NCOA2: variants seen among roughly 807,000 people sequenced by gnomAD.
NCOA2 encodes the protein nuclear receptor coactivator 2.
Under a neutral mutation model 145.1 loss-of-function variants are expected in NCOA2, and 21 were observed. That is an observed-to-expected ratio of 0.14 (90% CI 0.10 to 0.21). NCOA2 has a LOEUF of 0.21. NCOA2 is among the 10% of genes least tolerant of loss of function. NCOA2 has a pLI of 1.00. For synonymous variants in NCOA2, 619 were observed against 637.5 expected (o/e 0.97, Z 0.44); for missense variants, 1,472 against 1,837.6 (o/e 0.80, Z 3.64).
intron 2 of NCOA2, among the ~76,000 whole-genome samples, chr8:70,219,504 G>C (rs1269794954): frequency 6.6e-6 from 1 of 152,110 alleles, no homozygotes; most frequent in East Asian, 1.9e-4. Flanking sequence ...GGGTGGAGTC[G>C]GGGATGCCTG....
intron 1 of NCOA2, among the ~76,000 whole-genome samples, chr8:70,370,549 T>G (rs1285128348): frequency 6.6e-6 from 1 of 152,182 alleles, no homozygotes; most frequent in Non-Finnish European, 1.5e-5. Context: ...ACTATGACTG[T>G]GTCTCAGCCA....
In NCOA2 at chr8:70,110,220, C is replaced by A; in HGVS notation, c.*3412G>T. 1 of 202,006 alleles carries A rather than the reference C, an allele frequency of 5.0e-6. No homozygotes were observed. The highest frequency in any genetic ancestry group is 1.0e-5 in the Non-Finnish European group (1 of 98,188). 12.5% of individuals were successfully genotyped at this position (202,006 alleles called of 1,614,324 possible). A position where few individuals can be genotyped will look rare whatever the true frequency, so the allele number is the denominator to read the frequency against. ...GAAGAAATGTATCATCATCACTATT[C>A]AAACAACATAAAGGTTAAGTGATGA... On this transcript the variant is annotated 3_prime_UTR_variant, in exon 23 of 23. Coordinates refer to ENST00000452400, the MANE Select transcript of NCOA2 (RefSeq NM_006540.4).
At chr8:70,193,286 A>T (rs1816892770) in intron 4 of NCOA2, among the ~76,000 whole-genome samples, 1 of 152,126 alleles carries the variant, frequency 6.6e-6, no homozygotes. Context: ...CAATAATCTA[A>T]TCACCAAAAT....
chr8:70,213,853 A>G lies in NCOA2; in HGVS notation c.259+50T>C, dbSNP rs957727032. 2.7e-6 allele frequency: 4 copies of G among 1,472,450 alleles called. No homozygotes were observed. The African/African-American group carries it at 5.7e-5, about 21-fold the overall frequency. The allele number at this position is 1,472,450 out of a possible 1,614,324, so 91.2% of individuals were successfully genotyped here. A position where few individuals can be genotyped will look rare whatever the true frequency, so the allele number is the denominator to read the frequency against. The stretch of plus-strand genomic sequence containing the variant: ...CTCTGAAGGGACTTCTCACACAGGG[A>G]AAAACAGAAACCAATTCAACTCTTC... On this transcript the variant is annotated intron_variant, in intron 4 of 22. Coordinates refer to ENST00000452400, the MANE Select transcript of NCOA2 (RefSeq NM_006540.4).
chr8:70,329,571 C>T (rs558327367), intron 1 of NCOA2, among the ~76,000 whole-genome samples: 76 of 151,992 alleles, frequency 5.0e-4, no homozygotes, highest in Non-Finnish European at 1.0e-3. Flanking sequence ...CTTGGGTATA[C>T]CCAAGAGATG....
At chr8:70,176,577 C>T (rs1268383804) in intron 4 of NCOA2, among the ~76,000 whole-genome samples, 2 of 152,160 alleles carry the variant, frequency 1.3e-5, no homozygotes, top group African/African-American at 4.8e-5. Flanking sequence ...ACCGCCCCCA[C>T]CCCCTTTTAC....
chr8:70,143,273 G>GA (rs1347370264), intron 13 of NCOA2, among the ~76,000 whole-genome samples: 1 of 152,062 alleles, frequency 6.6e-6, no homozygotes, highest in East Asian at 1.9e-4. Context: ...TAAACAGCGT[G>GA]AGAGTATTGT....
At chr8:70,435,281 C>T in the NCOA2 span, among the ~76,000 whole-genome samples, 286 of 150,138 alleles carry the variant, frequency 1.9e-3, no homozygotes, top group African/African-American at 6.5e-3. Context: ...AAAAATTAGC[C>T]GGGCGTGGTG....
Position 70,156,698 on chromosome 8 carries a change from T to G in NCOA2, c.1667A>C (p.Asp556Ala), listed in dbSNP as rs746854023. The G allele has an allele frequency of 5.6e-6, 9 of 1,613,858 alleles. No homozygotes were observed. In the South Asian group the frequency reaches 9.9e-5, roughly 18 times the overall value. ...VSLGSSLASP[D>A]LKMGNLQNSP... ...GTTTTGCAAATTGCCCATTTTTAGG[T>G]CTGGTGAAGCCAACGATGACCCTAA... The change falls in exon 11 of 23, where the codon GAC (aspartate) becomes GCC (alanine). Residue 556 changes from aspartate (D) to alanine (A), a missense_variant. Coordinates refer to ENST00000452400, the MANE Select transcript of NCOA2 (RefSeq NM_006540.4).
intron 2 of NCOA2, among the ~76,000 whole-genome samples, chr8:70,258,597 A>G (rs1257304445): frequency 2.0e-5 from 3 of 152,118 alleles, no homozygotes; most frequent in African/African-American, 7.2e-5. Flanking sequence ...TTTAGATTCT[A>G]CTTTTGCAGT....
chr8:70,379,947 T>C (rs1028987606), intron 1 of NCOA2, among the ~76,000 whole-genome samples: 5 of 152,094 alleles, frequency 3.3e-5, no homozygotes, highest in Admixed American at 2.6e-4. Context: ...CACTGAAGGA[T>C]ATAAAGGTGT....
chr8:70,319,539 A>AAAATAAATAAATAAATAAAT (rs71558597), intron 1 of NCOA2, among the ~76,000 whole-genome samples: 2,552 of 149,144 alleles, frequency 0.017, 26 homozygotes, highest in African/African-American at 0.02. Flanking sequence ...CCCTGTCTCA[A>AAAATAAATAAATAAATAAAT]AAATAAATAA....
intron 2 of NCOA2, among the ~76,000 whole-genome samples, chr8:70,290,499 A>AT (rs1826588510): frequency 6.6e-6 from 1 of 151,998 alleles, no homozygotes; most frequent in East Asian, 1.9e-4. Context: ...ATTTCCATTG[A>AT]TTATAGACAT....
chr8:70,182,808 T>C (rs1380078401), intron 4 of NCOA2, among the ~76,000 whole-genome samples: 5 of 152,136 alleles, frequency 3.3e-5, no homozygotes, highest in African/African-American at 4.8e-5. Context: ...TCATGTCCTA[T>C]AGGAGCTTAA....
chr8:70,184,711 A>T (rs1315981552), intron 4 of NCOA2, among the ~76,000 whole-genome samples: 1 of 152,082 alleles, frequency 6.6e-6, no homozygotes, highest in East Asian at 1.9e-4. Context: ...AGAGGGAAGG[A>T]TGAAGGAAAG....
chr8:70,161,885 T>TG (rs1484772961), intron 9 of NCOA2, among the ~76,000 whole-genome samples: 1 of 147,464 alleles, frequency 6.8e-6, no homozygotes, highest in East Asian at 2.0e-4. Context: ...GCAAAAGAAT[T>TG]TTTTTTTTTT....
At chr8:70,354,894 G>A (rs1339360115) in intron 1 of NCOA2, among the ~76,000 whole-genome samples, 1 of 152,210 alleles carries the variant, frequency 6.6e-6, no homozygotes, top group Non-Finnish European at 1.5e-5. Flanking sequence ...TCTCTGAGAT[G>A]TGAACAGTAC....
chr8:70,366,437 T>C (rs1313085009), intron 1 of NCOA2, among the ~76,000 whole-genome samples: 1 of 152,070 alleles, frequency 6.6e-6, no homozygotes, highest in African/African-American at 2.4e-5. Flanking sequence ...CCATGTGAAC[T>C]GGCTTTAATA....
At chr8:70,253,381 G>T (rs1215635730) in intron 2 of NCOA2, among the ~76,000 whole-genome samples, 1 of 151,846 alleles carries the variant, frequency 6.6e-6, no homozygotes, top group African/African-American at 2.4e-5. Context: ...TGCCCTCCAG[G>T]GACTCATAAT....
Sources: allele counts gnomAD v4.1 joint callset (sites outside exome capture counted in the v4.1 genomes callset), GRCh38; gene constraint gnomAD v4.1.1; transcripts MANE v1.5; gene names NCBI Gene and HGNC (gene_info 2026-07-23, HGNC 2026-07-21).